The following ADCK2 variants were observed in gnomAD, a reference collection of about 807,000 sequenced individuals.
ADCK2 encodes aarF domain containing kinase 2, also known as uncharacterized aarF domain-containing protein kinase 2.
ADCK2 carries 37 observed loss-of-function variants against 52.3 expected under a neutral mutation model. The observed-to-expected ratio is 0.71, with a 90% CI of 0.54 to 0.93. The LOEUF (loss-of-function observed/expected upper bound fraction) is 0.93, where lower values mean the gene tolerates loss of function less well. Ranked by LOEUF, ADCK2 falls within the 40% of genes least tolerant of loss-of-function variation. The probability of loss-of-function intolerance (pLI) is 0.00; values close to 1 mark genes in which losing one functional copy is unlikely to be tolerated. For synonymous variants in ADCK2, 321 were observed against 349.2 expected (o/e 0.92, Z 0.90); for missense variants, 695 against 798.7 (o/e 0.87, Z 1.56).
chr7:140,677,071 C>T (rs116241705), intron 2 of ADCK2, among the ~76,000 whole-genome samples: 3,154 of 151,906 alleles, frequency 0.021, 102 homozygotes, highest in African/African-American at 0.07. Flanking sequence ...CTCTGTTAGA[C>T]GCTAGTAAGC....
rs757520275 is a variant in ADCK2 at position 140,687,079 on chromosome 7, G to A, written c.1395G>A (p.Ala465=). The change falls in exon 5 of 8, where the codon GCG becomes GCA. Residue 465 remains alanine, a synonymous_variant. Transcript: ENST00000072869. ...GANGLSSSQE[A]QLQQADICDT... ...ACGGCCTGTCCTCGAGTCAGGAGGCGCAGCTGCAGCAGGCGGACATCTGTG... is the reference window on the plus strand; with the variant it reads ...ACGGCCTGTCCTCGAGTCAGGAGGCACAGCTGCAGCAGGCGGACATCTGTG... 7 of 1,613,874 alleles carry A rather than the reference G, an allele frequency of 4.3e-6. No homozygotes were observed. The African/African-American group carries it at 5.3e-5, about 12-fold the overall frequency.
In ADCK2 at chr7:140,690,208, T is replaced by A. The variant is rs193222822; in HGVS notation, c.1686+483T>A. ...GATAGTCTATCCAGGTGTGATTTTT[T>A]AAAAATTTTTTTGAGATGGAGTCTT... is the stretch of plus-strand genomic sequence containing the variant. On this transcript the variant is annotated intron_variant, in intron 6 of 7. Coordinates refer to ENST00000072869, the MANE Select transcript of ADCK2 (RefSeq NM_052853.4). Among the ~76,000 whole-genome samples the A allele has an allele frequency of 1.2e-4, 18 of 152,260 alleles. No homozygotes were observed. In the East Asian group the frequency reaches 2.7e-3, roughly 23 times the overall value.
chr7:140,682,819 G>A (rs1386821067), intron 4 of ADCK2, among the ~76,000 whole-genome samples: 13 of 127,496 alleles, frequency 1.0e-4, no homozygotes, highest in Admixed American at 5.9e-4. Flanking sequence ...CCAAAACCCT[G>A]TCACTACAAA....
chr7:140,679,089 G>T, intron 2 of ADCK2, 66 bp from the exon 3 acceptor site: 3 of 1,576,296 alleles, frequency 1.9e-6, no homozygotes, highest in Non-Finnish European at 2.6e-6. Context: ...TAGCTCCTTG[G>T]CATTGCAGAT....
Position 140,678,999 on chromosome 7 carries a change from A to G in ADCK2, c.1081-156A>G, listed in dbSNP as rs1237064180. 1.3e-5 allele frequency among the ~76,000 whole-genome samples: 2 copies of G among 152,160 alleles called. No homozygotes were observed. Among genetic ancestry groups the G allele is most frequent in the Non-Finnish European group, 2.9e-5 (2 of 68,020 alleles). ...GGATTGCTGGGGCAGGCTGTAGCCC[A>G]CGGATGTCGCCTCCTGAGTTTCTGG... On this transcript the variant is annotated intron_variant, in intron 2 of 7. Transcript: ENST00000072869. This position sits in a 1 kb window ranked among gnomAD's most constrained non-coding sequence, Gnocchi z 4.9.
chr7:140,694,960 G>A lies in ADCK2; in HGVS notation c.*157G>A, dbSNP rs1300297852. 3 of 1,401,032 alleles carry A rather than the reference G, an allele frequency of 2.1e-6. No individual in the cohort carries two copies. The highest frequency in any genetic ancestry group is 2.8e-6 in the Non-Finnish European group (3 of 1,081,158). 86.8% of individuals were successfully genotyped at this position (1,401,032 alleles called of 1,614,324 possible). A position where few individuals can be genotyped will look rare whatever the true frequency, so the allele number is the denominator to read the frequency against. On this transcript the variant is annotated 3_prime_UTR_variant, in exon 8 of 8. Coordinates refer to ENST00000072869, the MANE Select transcript of ADCK2 (RefSeq NM_052853.4). ...CCATGGCTTCCTCTGCTTGGTTTGAGGGTCTGTTCAAAAGCTTTGGGCCAA... is the reference window on the plus strand; with the variant it reads ...CCATGGCTTCCTCTGCTTGGTTTGAAGGTCTGTTCAAAAGCTTTGGGCCAA...
chr7:140,680,237 C>G (rs1418686644), intron 3 of ADCK2, among the ~76,000 whole-genome samples: 5 of 152,006 alleles, frequency 3.3e-5, no homozygotes, highest in African/African-American at 1.2e-4. Flanking sequence ...CCTCCACCTC[C>G]TGGGCTCAAG....
chr7:140,675,723 C>G (rs960524657), intron 2 of ADCK2, among the ~76,000 whole-genome samples: 1 of 152,196 alleles, frequency 6.6e-6, no homozygotes, highest in Non-Finnish European at 1.5e-5. Context: ...GAACATCTAG[C>G]ATTATTTCTG....
At chr7:140,690,020 A>G (rs749608649) in intron 6 of ADCK2, among the ~76,000 whole-genome samples, 2 of 152,076 alleles carry the variant, frequency 1.3e-5, no homozygotes, top group Non-Finnish European at 2.9e-5. Flanking sequence ...AAGCAGCCAA[A>G]TGATGTGCCC....
rs185148530 is a variant in ADCK2 at position 140,679,759 on chromosome 7, G to A, written c.1209+476G>A. ...ATGATCTCAGCTCACTGCCACCTCC[G>A]CCTTCCAGGTTCAAGTGATTCTCGT... On this transcript the variant is annotated intron_variant, in intron 3 of 7. Coordinates refer to ENST00000072869, the MANE Select transcript of ADCK2 (RefSeq NM_052853.4). Among the ~76,000 whole-genome samples the A allele has an allele frequency of 4.6e-3, 599 of 131,554 alleles. 6 individuals are homozygous for A. Among genetic ancestry groups the A allele is most frequent in the African/African-American group, 0.016 (558 of 35,334 alleles). The allele number at this position is 131,554 out of a possible 152,430, so 86.3% of individuals were successfully genotyped here.
intron 7 of ADCK2, among the ~76,000 whole-genome samples, chr7:140,691,115 G>A (rs1012931928): frequency 3.1e-4 from 47 of 151,986 alleles, no homozygotes; most frequent in Admixed American, 2.8e-3. Context: ...TAGTAGAGAC[G>A]GGATTTCACC....
chr7:140,686,105 C>T (rs1407302682), intron 4 of ADCK2, among the ~76,000 whole-genome samples: 2 of 152,136 alleles, frequency 1.3e-5, no homozygotes, highest in African/African-American at 4.8e-5. Flanking sequence ...GATTTATGAG[C>T]TGTTTTTAAA....
intron 6 of ADCK2, among the ~76,000 whole-genome samples, chr7:140,690,401 C>G (rs1245421582): frequency 2.0e-5 from 3 of 152,034 alleles, no homozygotes; most frequent in Non-Finnish European, 4.4e-5. Context: ...TGGGGTTTCA[C>G]CATGTTGGCC....
intron 4 of ADCK2, among the ~76,000 whole-genome samples, chr7:140,683,294 C>T (rs113728365): frequency 0.02 from 3,041 of 152,182 alleles, 115 homozygotes; most frequent in African/African-American, 0.068. Context: ...AACAAACAAA[C>T]AAACAAACAA....
Position 140,673,578 on chromosome 7 carries a change from G to T in ADCK2, c.248G>T (p.Ser83Ile). 6.2e-7 allele frequency: 1 copy of T among 1,603,714 alleles called. No homozygotes were observed. The highest frequency in any genetic ancestry group is 8.5e-7 in the Non-Finnish European group (1 of 1,178,606). ...GCGGCTGGCGCGGGGCCCGCGGAGAGCCTCCCCCGAGCGGGACCTCTGGGC... is the reference window on the plus strand; with the variant it reads ...GCGGCTGGCGCGGGGCCCGCGGAGATCCTCCCCCGAGCGGGACCTCTGGGC... ...SGAAGAGPAE[S>I]LPRAGPLGGV... is the part of the protein sequence containing the mutation. Residue 83 changes from serine to isoleucine, a missense_variant, in exon 1 of 8, where the codon AGC becomes ATC. Ser to Ile is a moderately radical substitution (Grantham distance 142, BLOSUM62 -2). Transcript: ENST00000072869. The surrounding 1 kb of genome is among the most constrained non-coding windows in gnomAD (Gnocchi z 6.4).
intron 4 of ADCK2, among the ~76,000 whole-genome samples, chr7:140,681,672 C>T (rs964433928): frequency 6.6e-6 from 1 of 151,420 alleles, no homozygotes; most frequent in Non-Finnish European, 1.5e-5. Context: ...GGTTGGAGTG[C>T]AGTGGCAAAA....
At chr7:140,691,376 C>G (rs1057206387) in intron 7 of ADCK2, among the ~76,000 whole-genome samples, 1 of 152,250 alleles carries the variant, frequency 6.6e-6, no homozygotes, top group Non-Finnish European at 1.5e-5. Context: ...CAGCCTACCT[C>G]TGGCTTTTCA....
At chr7:140,694,438 C>T (rs930921021) in intron 7 of ADCK2, among the ~76,000 whole-genome samples, 2 of 152,082 alleles carry the variant, frequency 1.3e-5, no homozygotes, top group Non-Finnish European at 2.9e-5. Flanking sequence ...AAGTATATTC[C>T]GCACCCCTAG....
intron 4 of ADCK2, among the ~76,000 whole-genome samples, chr7:140,682,776 G>C (rs1421308919): frequency 6.8e-6 from 1 of 146,720 alleles, no homozygotes; most frequent in Non-Finnish European, 1.5e-5. Context: ...GATTGCTTGA[G>C]CCCAGGGGTT....
Sources: gnomAD v4.1 joint callset for allele counts (sites outside exome capture counted in the v4.1 genomes callset) on GRCh38, gnomAD v4.1.1 for gene constraint, Gnocchi (gnomAD v3.1) non-coding constraint, MANE v1.5 for transcripts, NCBI Gene and HGNC (gene_info 2026-07-23, HGNC 2026-07-21) for gene names.